TLK1: variants seen among roughly 807,000 people sequenced by gnomAD.
TLK1 encodes serine/threonine-protein kinase tousled-like 1.
TLK1 carries 24 observed loss-of-function variants against 105.3 expected under a neutral mutation model. The observed-to-expected ratio is 0.23, with a 90% CI of 0.17 to 0.32. The LOEUF (loss-of-function observed/expected upper bound fraction) is 0.32. TLK1 is among the 10% of genes least tolerant of loss of function. TLK1 has a pLI of 1.00. For missense variants in TLK1, 558 were observed against 910.5 expected (o/e 0.61, Z 4.98); for synonymous variants, 321 against 310.4 (o/e 1.03, Z -0.36).
At chr2:171,147,866 T>C (rs1183478846) in intron 1 of TLK1, among the ~76,000 whole-genome samples, 1 of 152,160 alleles carries the variant, frequency 6.6e-6, no homozygotes, top group African/African-American at 2.4e-5. Flanking sequence ...ATTAGCAGTG[T>C]TTATACTTTG....
At chr2:171,082,097 T>C (rs1688782034) in intron 3 of TLK1, among the ~76,000 whole-genome samples, 1 of 151,890 alleles carries the variant, frequency 6.6e-6, no homozygotes, top group Non-Finnish European at 1.5e-5. Flanking sequence ...GAAAAGGCTA[T>C]ACCCACAAGA....
intron 19 of TLK1, 38 bp from the exon 20 acceptor site, chr2:170,996,798 C>A: frequency 2.6e-6 from 4 of 1,525,534 alleles, no homozygotes; most frequent in Non-Finnish European, 3.6e-6. Context: ...ACTTTTCTCA[C>A]AAAATATTTA....
Position 171,160,572 on chromosome 2 carries a change from G to A in TLK1, c.-144C>T. The A allele has an allele frequency of 1.5e-6, 2 of 1,318,366 alleles. No homozygotes were observed. Among genetic ancestry groups the A allele is most frequent in the Non-Finnish European group, 2.1e-6 (2 of 971,700 alleles). 81.7% of individuals were successfully genotyped at this position (1,318,366 alleles called of 1,614,324 possible). On this transcript the variant is annotated 5_prime_UTR_variant, in exon 1 of 21. Coordinates refer to ENST00000431350, the MANE Select transcript of TLK1 (RefSeq NM_012290.5). This position sits in a 1 kb window ranked among gnomAD's most constrained non-coding sequence, Gnocchi z 4.4. ...GGAGGGGAGAGTCAAGGGGATGGGGGAGGAAACCGAGAAGAGGGGAGGTGG... is the reference window on the plus strand; with the variant it reads ...GGAGGGGAGAGTCAAGGGGATGGGGAAGGAAACCGAGAAGAGGGGAGGTGG...
intron 12 of TLK1, among the ~76,000 whole-genome samples, chr2:171,027,315 CAAAGAA>C (rs1174783617): frequency 6.6e-6 from 1 of 151,706 alleles, no homozygotes; most frequent in Non-Finnish European, 1.5e-5. Context: ...AAAATTGGGT[CAAAGAA>C]AAAGAACTTT....
At chr2:171,103,344 G>A (rs1689779061) in intron 2 of TLK1, among the ~76,000 whole-genome samples, 1 of 150,534 alleles carries the variant, frequency 6.6e-6, no homozygotes, top group South Asian at 2.1e-4. Flanking sequence ...GTGCAATCCT[G>A]GCTCACTGCA....
upstream of TLK1, among the ~76,000 whole-genome samples, chr2:171,161,275 C>T (rs1692491485): frequency 6.6e-6 from 1 of 151,832 alleles, no homozygotes; most frequent in South Asian, 2.1e-4. Flanking sequence ...CGCCTCTCTC[C>T]TGACCCACAC....
intron 3 of TLK1, among the ~76,000 whole-genome samples, chr2:171,068,677 C>A (rs969303140): frequency 2.0e-5 from 3 of 152,154 alleles, no homozygotes; most frequent in African/African-American, 7.2e-5. Context: ...GGATTAGGAA[C>A]AGTCTGTCTG....
chr2:171,016,051 C>G (rs1685195111), intron 12 of TLK1, among the ~76,000 whole-genome samples: 1 of 152,076 alleles, frequency 6.6e-6, no homozygotes, highest in South Asian at 2.1e-4. Context: ...GCACTTCAGC[C>G]TGGGCAACAA....
At chr2:171,053,983 A>C (rs1464192516) in intron 7 of TLK1, 130 bp from the exon 8 acceptor site, 10 of 678,960 alleles carry the variant, frequency 1.5e-5, no homozygotes, top group Non-Finnish European at 2.3e-5. Flanking sequence ...AGTGAATCTC[A>C]AAAAGTTTTA....
At chr2:171,229,008 T>C (rs1693946846) in intron 1 of TLK1, among the ~76,000 whole-genome samples, 1 of 152,210 alleles carries the variant, frequency 6.6e-6, no homozygotes, top group African/African-American at 2.4e-5. Flanking sequence ...GAATTTCCAC[T>C]CAGTGGTAGA....
intron 1 of TLK1, among the ~76,000 whole-genome samples, chr2:171,134,895 C>G (rs1399738196): frequency 6.6e-6 from 1 of 151,602 alleles, no homozygotes; most frequent in Non-Finnish European, 1.5e-5. Flanking sequence ...GCCACTGAGC[C>G]GGACCTATTC....
chr2:171,128,842 T>C (rs143740085), intron 1 of TLK1, among the ~76,000 whole-genome samples: 18 of 152,312 alleles, frequency 1.2e-4, no homozygotes, highest in Non-Finnish European at 1.0e-4. Context: ...TATTAACATA[T>C]AGTCCTGATT....
chr2:171,125,369 T>C (rs1344755694), intron 1 of TLK1, among the ~76,000 whole-genome samples: 2 of 152,240 alleles, frequency 1.3e-5, no homozygotes, highest in Non-Finnish European at 2.9e-5. Flanking sequence ...TGTTTTGCTA[T>C]TAAATTCAAT....
At chr2:171,021,433 C>CTTTT (rs531522490) in intron 12 of TLK1, among the ~76,000 whole-genome samples, 1 of 116,842 alleles carries the variant, frequency 8.6e-6, no homozygotes, top group African/African-American at 3.3e-5. Flanking sequence ...CCCGCCCCGA[C>CTTTT]TTTTTTTTTT....
chr2:171,111,230 C>T (rs943056104), intron 2 of TLK1, among the ~76,000 whole-genome samples: 2 of 152,114 alleles, frequency 1.3e-5, no homozygotes, highest in Non-Finnish European at 2.9e-5. Context: ...TAAAAGCTTA[C>T]ATGAAATGAA....
intron 1 of TLK1, among the ~76,000 whole-genome samples, chr2:171,194,671 G>A (rs916923504): frequency 1.3e-5 from 2 of 151,070 alleles, no homozygotes; most frequent in African/African-American, 4.9e-5. Context: ...CAAAAAATTA[G>A]CCGGGCGTGG....
chr2:171,064,077 A>G (rs1447420534), intron 3 of TLK1, among the ~76,000 whole-genome samples: 1 of 152,220 alleles, frequency 6.6e-6, no homozygotes, highest in East Asian at 1.9e-4. Context: ...CTTTTCATTA[A>G]ACCAACCAAA....
chr2:171,049,391 T>G (rs959002983), intron 10 of TLK1, among the ~76,000 whole-genome samples: 1 of 152,078 alleles, frequency 6.6e-6, no homozygotes, highest in Non-Finnish European at 1.5e-5. Context: ...AAAAGAGAAG[T>G]TTTTTCCCTT....
chr2:171,146,876 T>C (rs577891448), intron 1 of TLK1, among the ~76,000 whole-genome samples: 1 of 152,350 alleles, frequency 6.6e-6, no homozygotes, highest in South Asian at 2.1e-4. Context: ...CTACTGTGAT[T>C]CCTGAATTTC....
Sources: allele counts gnomAD v4.1 joint callset (sites outside exome capture counted in the v4.1 genomes callset), GRCh38; gene constraint gnomAD v4.1.1; non-coding constraint Gnocchi (gnomAD v3.1); transcripts MANE v1.5; gene names NCBI Gene and HGNC (gene_info 2026-07-23, HGNC 2026-07-21).